The following ZDHHC11B variants were observed in gnomAD, a reference collection of about 807,000 sequenced individuals.
The protein encoded by ZDHHC11B is probable palmitoyltransferase ZDHHC11B.
ZDHHC11B carries 17 observed loss-of-function variants against 42.3 expected under a neutral mutation model. The ratio of observed to expected loss-of-function variants is 0.40; its 90% CI spans 0.27 to 0.60. The LOEUF (loss-of-function observed/expected upper bound fraction) is 0.60. ZDHHC11B is among the 20% of genes least tolerant of loss of function. The pLI, the probability that ZDHHC11B is intolerant of heterozygous loss-of-function variation, is 0.41. For synonymous variants in ZDHHC11B, 123 were observed against 193.5 expected, an observed-to-expected ratio of 0.64 and a Z score of 3.02; for missense variants, 262 against 463.2, an observed-to-expected ratio of 0.57 and a Z score of 3.99.
At chr5:758,723 C>T (rs1734182267) in intron 4 of ZDHHC11B, among the ~76,000 whole-genome samples, 2 of 151,806 alleles carry the variant, frequency 1.3e-5, no homozygotes, top group Non-Finnish European at 2.9e-5. Flanking sequence ...GGACAGCTCC[C>T]TGGGACTCAA....
chr5:777,916 A>AGG (rs541661648), intron 1 of ZDHHC11B, among the ~76,000 whole-genome samples: 2 of 151,590 alleles, frequency 1.3e-5, no homozygotes, highest in South Asian at 2.1e-4. Flanking sequence ...GGGGCGGGGG[A>AGG]GGGGGGGCGT....
At chr5:749,403 T>A (rs1221875588) in intron 7 of ZDHHC11B, among the ~76,000 whole-genome samples, 1 of 129,140 alleles carries the variant, frequency 7.7e-6, no homozygotes, top group Non-Finnish European at 1.7e-5. Context: ...TGGCAGAGGG[T>A]TGGATTCAGT....
intron 1 of ZDHHC11B, among the ~76,000 whole-genome samples, chr5:772,995 C>G (rs1489193081): frequency 3.3e-5 from 5 of 151,932 alleles, no homozygotes; most frequent in African/African-American, 1.2e-4. Context: ...GGGAAGACAG[C>G]CAGGCTGCTG....
At chr5:716,933 G>A (rs1317440599) in intron 12 of ZDHHC11B, 68 bp from the exon 13 acceptor site, 1 of 1,606,812 alleles carries the variant, frequency 6.2e-7, no homozygotes, top group East Asian at 2.2e-5. Flanking sequence ...TACTGCCAAA[G>A]TGCACAAAAT....
intron 12 of ZDHHC11B, 116 bp from the exon 13 acceptor site, chr5:716,981 C>A (rs986301754): frequency 7.6e-6 from 11 of 1,442,884 alleles, no homozygotes; most frequent in Non-Finnish European, 9.6e-7. Context: ...TAGCTTGTGA[C>A]GTGGGCAATC....
chr5:773,826 C>G (rs1384122406), intron 1 of ZDHHC11B, among the ~76,000 whole-genome samples: 5 of 151,848 alleles, frequency 3.3e-5, no homozygotes, highest in Admixed American at 6.6e-5. Context: ...CACCCCACTC[C>G]CACACACCTG....
chr5:759,325 G>A (rs1164634063), intron 4 of ZDHHC11B, among the ~76,000 whole-genome samples: 1 of 151,948 alleles, frequency 6.6e-6, no homozygotes, highest in Non-Finnish European at 1.5e-5. Context: ...AAGAGAGGAG[G>A]TGGAGAGCGA....
At chr5:719,217 A>C (rs399993) in intron 12 of ZDHHC11B, among the ~76,000 whole-genome samples, 2 of 151,212 alleles carry the variant, frequency 1.3e-5, no homozygotes, top group African/African-American at 4.9e-5. Context: ...ATTTTTAGAG[A>C]TACCACATTA....
chr5:720,117 G>T (rs1427261036), intron 12 of ZDHHC11B, among the ~76,000 whole-genome samples: 1 of 151,732 alleles, frequency 6.6e-6, no homozygotes, highest in African/African-American at 2.4e-5. Flanking sequence ...AAGAAATAAT[G>T]GCTGAAAACT....
Position 733,906 on chromosome 5 carries a change from A to T in ZDHHC11B, c.936-67T>A, listed in dbSNP as rs576370932. 1.1e-4 allele frequency: 157 copies of T among 1,392,510 alleles called. 5 individuals are homozygous for T. In the South Asian group the frequency reaches 1.8e-3, roughly 16 times the overall value. The allele number at this position is 1,392,510 out of a possible 1,614,324, so 86.3% of individuals were successfully genotyped here. A position where few individuals can be genotyped will look rare whatever the true frequency, so the allele number is the denominator to read the frequency against. ...GTGGGGGGGCTCAGGGTGGCACTGG[A>T]GGCTGCACCGCGTCGTGTCAGCACC... On this transcript the variant is annotated intron_variant, in intron 10 of 13. Coordinates refer to ENST00000508859, the MANE Select transcript of ZDHHC11B (RefSeq NM_001351303.2).
intron 4 of ZDHHC11B, among the ~76,000 whole-genome samples, chr5:756,958 T>C (rs1733941869): frequency 6.6e-6 from 1 of 151,708 alleles, no homozygotes; most frequent in Non-Finnish European, 1.5e-5. Context: ...TCTTGGGCCC[T>C]CTGGGCTCGG....
At chr5:784,236 G>A (rs1404630920) in intron 1 of ZDHHC11B, among the ~76,000 whole-genome samples, 1 of 151,596 alleles carries the variant, frequency 6.6e-6, no homozygotes, top group African/African-American at 2.4e-5. Flanking sequence ...AGCCCTCCAC[G>A]CCCTAATTTC....
chr5:776,107 C>T (rs1364191966), intron 1 of ZDHHC11B, among the ~76,000 whole-genome samples: 2 of 150,340 alleles, frequency 1.3e-5, no homozygotes, highest in African/African-American at 4.9e-5. Flanking sequence ...CCCTCCACCC[C>T]AGGCTGGCTG....
chr5:746,281 C>T (rs1422916504), intron 8 of ZDHHC11B, among the ~76,000 whole-genome samples: 3 of 146,226 alleles, frequency 2.1e-5, no homozygotes, highest in East Asian at 2.2e-4. Flanking sequence ...GAGCAGATGG[C>T]GGTGGGCACC....
intron 1 of ZDHHC11B, among the ~76,000 whole-genome samples, chr5:778,700 A>G (rs1736740432): frequency 6.6e-6 from 1 of 151,990 alleles, no homozygotes; most frequent in African/African-American, 2.4e-5. Context: ...TGGAGAAAGG[A>G]TCTGGAAATG....
Position 710,673 on chromosome 5 carries a change from C to G in ZDHHC11B, c.*1617G>C, listed in dbSNP as rs1416078704. 6.5e-6 allele frequency: 1 copy of G among 154,348 alleles called. No homozygotes were observed. Among genetic ancestry groups the G allele is most frequent in the Non-Finnish European group, 1.5e-5 (1 of 68,880 alleles). The allele number at this position is 154,348 out of a possible 1,614,324, so 9.6% of individuals were successfully genotyped here. A position where few individuals can be genotyped will look rare whatever the true frequency, so the allele number is the denominator to read the frequency against. On this transcript the variant is annotated 3_prime_UTR_variant, in exon 14 of 14. Coordinates refer to ENST00000508859, the MANE Select transcript of ZDHHC11B (RefSeq NM_001351303.2). Reference sequence around the variant, plus strand: ...ATTTCTCAGTACTGTGCTCCCATTTCCCAGCACTATGCTCCCATTTCCCAG... The same window carrying G: ...ATTTCTCAGTACTGTGCTCCCATTTGCCAGCACTATGCTCCCATTTCCCAG...
chr5:771,120 C>T (rs866908646), intron 1 of ZDHHC11B, among the ~76,000 whole-genome samples: 6 of 151,848 alleles, frequency 4.0e-5, no homozygotes, highest in African/African-American at 9.7e-5. Flanking sequence ...ACACAAGAGC[C>T]GGTGGGAGGG....
intron 5 of ZDHHC11B, among the ~76,000 whole-genome samples, chr5:755,339 G>A (rs1187837409): frequency 7.1e-4 from 92 of 129,692 alleles, no homozygotes; most frequent in African/African-American, 2.3e-3. Context: ...GTCTGTGGCC[G>A]CCCTGAGCAT....
At chr5:725,833 C>T (rs1231900114) in intron 12 of ZDHHC11B, among the ~76,000 whole-genome samples, 7 of 152,372 alleles carry the variant, frequency 4.6e-5, no homozygotes, top group African/African-American at 4.8e-5. Context: ...TGGGAGGCTG[C>T]GTGAGTGCTC....
Sources: allele counts gnomAD v4.1 joint callset (sites outside exome capture counted in the v4.1 genomes callset), GRCh38; gene constraint gnomAD v4.1.1; transcripts MANE v1.5; gene names NCBI Gene and HGNC (gene_info 2026-07-23, HGNC 2026-07-21).